Variants in DLGAP2 observed in about 807,000 individuals in gnomAD.
The protein encoded by DLGAP2 is DLG associated protein 2.
In DLGAP2, 26 loss-of-function variants were observed where a neutral mutation model predicts 100.3. The ratio of observed to expected loss-of-function variants is 0.26; its 90% CI spans 0.19 to 0.36. The LOEUF is 0.36. Among genes scored for constraint, DLGAP2 ranks in the 10% least tolerant of loss-of-function variants. The probability of loss-of-function intolerance (pLI) is 1.00; values close to 1 mark genes in which losing one functional copy is unlikely to be tolerated. For synonymous variants in DLGAP2, 886 were observed against 630.1 expected (o/e 1.41, Z -6.08); for missense variants, 1,858 against 1,453.2 (o/e 1.28, Z -4.53).
intron 2 of DLGAP2, among the ~76,000 whole-genome samples, chr8:1,113,862 G>T (rs985995590): frequency 1.3e-5 from 2 of 152,044 alleles, no homozygotes; most frequent in Non-Finnish European, 2.9e-5. Flanking sequence ...ATATTTTGAG[G>T]TATGTTCCTT....
Position 1,217,750 on chromosome 8 carries a change from A to G in DLGAP2, c.74-41101A>G, listed in dbSNP as rs995987001. The stretch of plus-strand genomic sequence containing the variant: ...GTAGTGGGAATATAAATTAAGCGTT[A>G]TCTTTTCTCTGCAACCTTGACAACA... On this transcript the variant is annotated intron_variant, in intron 2 of 14. Coordinates refer to ENST00000637795, the MANE Select transcript of DLGAP2 (RefSeq NM_001346810.2). Among the ~76,000 whole-genome samples the G allele has an allele frequency of 3.3e-5, 5 of 152,028 alleles. No homozygotes were observed. In the East Asian group the frequency reaches 7.7e-4, roughly 24 times the overall value.
intron 2 of DLGAP2, among the ~76,000 whole-genome samples, chr8:1,211,624 C>A (rs1035486624): frequency 6.6e-6 from 1 of 152,178 alleles, no homozygotes; most frequent in Admixed American, 6.5e-5. Flanking sequence ...GCCTGTAATC[C>A]CAGCACTTTG....
chr8:759,608 G>T (rs139006112), intron 1 of DLGAP2, among the ~76,000 whole-genome samples: 2 of 151,900 alleles, frequency 1.3e-5, no homozygotes, highest in African/African-American at 4.8e-5. Flanking sequence ...TGGGCTGCAC[G>T]TTCCCGGGAC....
At chr8:892,419 C>T (rs995952578) in intron 1 of DLGAP2, among the ~76,000 whole-genome samples, 3 of 152,124 alleles carry the variant, frequency 2.0e-5, no homozygotes, top group African/African-American at 7.2e-5. Context: ...ACCCTGGGGA[C>T]ACTATGCTGA....
chr8:900,602 C>G (rs1462220553), intron 1 of DLGAP2, among the ~76,000 whole-genome samples: 2 of 152,180 alleles, frequency 1.3e-5, no homozygotes, highest in African/African-American at 2.4e-5. Context: ...GGTTCAGCAC[C>G]CATGGATGGC....
intron 3 of DLGAP2, among the ~76,000 whole-genome samples, chr8:1,319,042 T>C (rs1040165187): frequency 3.3e-5 from 5 of 151,350 alleles, no homozygotes; most frequent in Admixed American, 6.6e-5. Flanking sequence ...TGGCGAACAA[T>C]GGGCTCCCTG....
At chr8:1,184,434 C>A (rs536416635) in intron 2 of DLGAP2, among the ~76,000 whole-genome samples, 1 of 152,268 alleles carries the variant, frequency 6.6e-6, no homozygotes, top group Non-Finnish European at 1.5e-5. Flanking sequence ...TGGAAGCATC[C>A]CGTGTGAAGG....
chr8:1,643,518 G>C (rs79614321), intron 8 of DLGAP2, among the ~76,000 whole-genome samples: 3 of 17,906 alleles, frequency 1.7e-4, no homozygotes, highest in Admixed American at 5.4e-4. Flanking sequence ...TGTCACCCTC[G>C]AACCCGCCGG....
chr8:879,019 G>A (rs949121750), intron 1 of DLGAP2, among the ~76,000 whole-genome samples: 1 of 152,204 alleles, frequency 6.6e-6, no homozygotes, highest in Non-Finnish European at 1.5e-5. Context: ...CAATGAAGGA[G>A]CCTACCAATA....
chr8:1,586,219 T>G (rs962809353), intron 6 of DLGAP2, among the ~76,000 whole-genome samples: 1 of 152,232 alleles, frequency 6.6e-6, no homozygotes, highest in Non-Finnish European at 1.5e-5. Flanking sequence ...CCGTTGGCCC[T>G]TCTTTCCGGG....
intron 2 of DLGAP2, among the ~76,000 whole-genome samples, chr8:1,141,224 T>C (rs912691506): frequency 1.3e-5 from 2 of 152,162 alleles, no homozygotes; most frequent in African/African-American, 4.8e-5. Context: ...CAGGGAGTGT[T>C]CAACTGAGAT....
intron 8 of DLGAP2, among the ~76,000 whole-genome samples, chr8:1,644,434 A>T (rs968628983): frequency 6.6e-6 from 1 of 152,076 alleles, no homozygotes; most frequent in Non-Finnish European, 1.5e-5. Flanking sequence ...TCGCACCTCC[A>T]TGCCTCTACG....
chr8:1,491,928 C>A (rs1410084470), intron 3 of DLGAP2, among the ~76,000 whole-genome samples: 3 of 152,160 alleles, frequency 2.0e-5, no homozygotes, highest in Non-Finnish European at 4.4e-5. Context: ...TGCGGAGCTC[C>A]GGAGCGGGAC....
intron 1 of DLGAP2, among the ~76,000 whole-genome samples, chr8:834,071 A>G (rs1352074085): frequency 6.6e-6 from 1 of 152,208 alleles, no homozygotes; most frequent in African/African-American, 2.4e-5. Flanking sequence ...CATTAGGGGA[A>G]GCAGAAACCA....
chr8:1,541,673 T>G lies in DLGAP2; in HGVS notation c.173-6953T>G, dbSNP rs150825562. 2.8e-3 allele frequency among the ~76,000 whole-genome samples: 434 copies of G among 152,364 alleles called. 6 individuals are homozygous for G. Among genetic ancestry groups the G allele is most frequent in the African/African-American group, 9.9e-3 (410 of 41,588 alleles). On this transcript the variant is annotated intron_variant, in intron 4 of 14. Coordinates refer to ENST00000637795, the MANE Select transcript of DLGAP2 (RefSeq NM_001346810.2). ...AGAGCCCACTGGGTTCTAGAACCTC[T>G]GCCAGCTCACCCAGACGAGATCTAA...
intron 2 of DLGAP2, among the ~76,000 whole-genome samples, chr8:998,770 C>T (rs1800858803): frequency 6.6e-6 from 1 of 152,170 alleles, no homozygotes. Flanking sequence ...TTGGCTCATA[C>T]CCTTTCTTTC....
chr8:1,001,218 A>G (rs1459619918), intron 2 of DLGAP2, among the ~76,000 whole-genome samples: 1 of 152,132 alleles, frequency 6.6e-6, no homozygotes, highest in African/African-American at 2.4e-5. Flanking sequence ...TATTTTTCAC[A>G]TTGTATTGTG....
At chr8:1,363,720 C>T (rs949462676) in intron 3 of DLGAP2, among the ~76,000 whole-genome samples, 20 of 152,168 alleles carry the variant, frequency 1.3e-4, no homozygotes, top group South Asian at 2.1e-4. Context: ...AAAGAGAACC[C>T]GACGCTCTGG....
At chr8:1,108,798 G>C (rs1420217729) in intron 2 of DLGAP2, among the ~76,000 whole-genome samples, 3 of 136,278 alleles carry the variant, frequency 2.2e-5, no homozygotes, top group African/African-American at 8.5e-5. Context: ...GGGTCTGTGA[G>C]GTGTGAATGT....
Sources: allele counts gnomAD v4.1 joint callset (sites outside exome capture counted in the v4.1 genomes callset), GRCh38; gene constraint gnomAD v4.1.1; transcripts MANE v1.5; gene names NCBI Gene and HGNC (gene_info 2026-07-23, HGNC 2026-07-21).